RICTOR: variants seen among roughly 807,000 people sequenced by gnomAD.
The protein encoded by RICTOR is RPTOR independent companion of MTOR complex 2, also known as rapamycin-insensitive companion of mTOR.
A neutral mutation model predicts 214.9 loss-of-function variants in RICTOR; 49 were observed. The observed-to-expected ratio is 0.23, with a 90% CI of 0.18 to 0.29. The LOEUF is 0.29. Among genes scored for constraint, RICTOR ranks in the 10% least tolerant of loss-of-function variants. The probability of loss-of-function intolerance (pLI) is 1.00; values close to 1 mark genes in which losing one functional copy is unlikely to be tolerated. For synonymous variants in RICTOR, 717 were observed against 711.3 expected (o/e 1.01, Z -0.13); for missense variants, 1,625 against 2,047.0 (o/e 0.79, Z 3.98).
intron 2 of RICTOR, among the ~76,000 whole-genome samples, chr5:39,073,017 T>C (rs1759428937): frequency 1.3e-5 from 2 of 152,368 alleles, no homozygotes; most frequent in Non-Finnish European, 1.5e-5. Flanking sequence ...ATGCTTTCAC[T>C]CTAGCCGTTG....
chr5:38,978,427 A>G (rs1751415829), intron 9 of RICTOR, among the ~76,000 whole-genome samples, 156 bp downstream of exon 9: 1 of 152,174 alleles, frequency 6.6e-6, no homozygotes, highest in Admixed American at 6.6e-5. Flanking sequence ...TTTTTAAACC[A>G]CAGTAAATTA....
chr5:39,004,730 G>A (rs1753897066), intron 3 of RICTOR, among the ~76,000 whole-genome samples: 1 of 150,546 alleles, frequency 6.6e-6, no homozygotes, highest in African/African-American at 2.4e-5. Flanking sequence ...GCCTCCTGAA[G>A]TGCTGGGATT....
At chr5:39,053,522 T>C (rs957302575) in intron 2 of RICTOR, among the ~76,000 whole-genome samples, 3 of 152,170 alleles carry the variant, frequency 2.0e-5, no homozygotes, top group Non-Finnish European at 2.9e-5. Context: ...TTAAAAAATA[T>C]TTAGGATCTA....
At chr5:38,950,803 A>AT (rs1363499262) in intron 30 of RICTOR, 83 bp from the exon 31 acceptor site, 303 of 1,246,946 alleles carry the variant, frequency 2.4e-4, no homozygotes, top group Middle Eastern at 6.3e-4. Flanking sequence ...ATTTCAGGAA[A>AT]TTTTTTTTTA....
intron 3 of RICTOR, among the ~76,000 whole-genome samples, chr5:39,010,851 C>G (rs753213196): frequency 2.0e-5 from 3 of 152,084 alleles, no homozygotes; most frequent in Non-Finnish European, 4.4e-5. Context: ...CACAAAGATA[C>G]AATCTGGAAT....
chr5:39,036,504 T>G (rs530289956), intron 2 of RICTOR, among the ~76,000 whole-genome samples: 1 of 152,174 alleles, frequency 6.6e-6, no homozygotes, highest in Non-Finnish European at 1.5e-5. Context: ...ATGCTCCAAT[T>G]AAAAGACACA....
chr5:39,028,252 G>A (rs1200487641), intron 2 of RICTOR, among the ~76,000 whole-genome samples: 23 of 131,950 alleles, frequency 1.7e-4, no homozygotes, highest in African/African-American at 6.8e-4. Flanking sequence ...GCGGGATCTC[G>A]GCTCACTGCA....
At chr5:38,968,150 C>A (rs1750388774) in intron 11 of RICTOR, 120 bp from the exon 12 acceptor site, 4 of 636,790 alleles carry the variant, frequency 6.3e-6, no homozygotes, top group Non-Finnish European at 1.2e-5. Context: ...TGACATGTCA[C>A]ATAACAATAT....
Position 38,950,235 on chromosome 5 carries a change from C to T in RICTOR, c.3613G>A (p.Val1205Ile). The T allele has an allele frequency of 6.2e-7, 1 of 1,613,552 alleles. No individual in the cohort carries two copies. Among genetic ancestry groups the T allele is most frequent in the South Asian group, 1.1e-5 (1 of 91,062 alleles). Residue 1205 changes from valine to isoleucine, a missense_variant, in exon 31 of 38, where the codon GTA (valine) becomes ATA (isoleucine). Physicochemically the swap from Val to Ile is conservative, Grantham distance 29. Transcript: ENST00000357387. ...ATATGTGAGCTCGTTGAACTTTCTA[C>T]TACTAACCTCTCTCGGCTTGTATTT... The part of the protein sequence containing the change: ...RENTSRERLV[V>I]ESSTSSHMKI...
At chr5:38,991,412 G>A (rs1378845225) in intron 6 of RICTOR, among the ~76,000 whole-genome samples, 1 of 151,898 alleles carries the variant, frequency 6.6e-6, no homozygotes, top group African/African-American at 2.4e-5. Context: ...AAACCAGAGG[G>A]GACAATAGTA....
chr5:39,003,653 A>T (rs752821360), intron 3 of RICTOR, 31 bp from the exon 4 acceptor site: 7 of 1,421,746 alleles, frequency 4.9e-6, no homozygotes. Context: ...GTGTGCATTT[A>T]TGTGTTGTAT....
chr5:39,061,994 C>A (rs1358749772), intron 2 of RICTOR, among the ~76,000 whole-genome samples: 1 of 151,862 alleles, frequency 6.6e-6, no homozygotes, highest in Non-Finnish European at 1.5e-5. Context: ...CTATTCCAAT[C>A]TAAAATTTAA....
chr5:38,975,170 T>C (rs1428776037), intron 10 of RICTOR, among the ~76,000 whole-genome samples: 1 of 152,222 alleles, frequency 6.6e-6, no homozygotes, highest in Non-Finnish European at 1.5e-5. Context: ...TTTGTATCTA[T>C]GACACTACAC....
intron 2 of RICTOR, among the ~76,000 whole-genome samples, chr5:39,035,593 C>T (rs557640168): frequency 1.5e-4 from 23 of 152,210 alleles, no homozygotes; most frequent in Admixed American, 6.5e-4. Context: ...AGACGAATGG[C>T]TAACTAGAAT....
rs1241553090 is a variant in RICTOR, at chr5:38,989,641, T to G, written c.583+1308A>C. 2.0e-5 allele frequency among the ~76,000 whole-genome samples: 3 copies of G among 152,190 alleles called. No individual in the cohort carries two copies. The East Asian group carries it at 5.8e-4, about 29-fold the overall frequency. On this transcript the variant is annotated intron_variant, in intron 7 of 37. Transcript: ENST00000357387. ...CTAATATCCAGAATCTACAAGGAAC[T>G]TAAACAAATTTACAAGAAAAAAACA...
In RICTOR at chr5:38,959,821, G is replaced by A. The variant is rs371271117; in HGVS notation, c.2009C>T (p.Pro670Leu). 1 of 1,613,506 alleles carries A rather than the reference G, an allele frequency of 6.2e-7. No individual in the cohort carries two copies. The highest frequency in any genetic ancestry group is 1.3e-5 in the African/African-American group (1 of 74,998). ...TTTTTCCAGCATTTTAACTCCATGAGGGTGGCAAGAAAGTGTTCCAATAAA... is the reference window on the plus strand; with the variant it reads ...TTTTTCCAGCATTTTAACTCCATGAAGGTGGCAAGAAAGTGTTCCAATAAA... ...FLFIGTLSCH[P>L]HGVKMLEKCS... Residue 670 changes from proline to leucine, a missense_variant, in exon 21 of 38, where the codon CCT becomes CTT. By Grantham distance (98) the Pro-to-Leu change is moderately conservative. Coordinates refer to ENST00000357387, the MANE Select transcript of RICTOR (RefSeq NM_152756.5).
intron 6 of RICTOR, among the ~76,000 whole-genome samples, chr5:38,996,290 T>C (rs142803698): frequency 6.6e-6 from 1 of 152,310 alleles, no homozygotes; most frequent in Admixed American, 6.5e-5. Flanking sequence ...TGAAGGCCTC[T>C]CAAGAGAAGC....
intron 7 of RICTOR, among the ~76,000 whole-genome samples, chr5:38,982,757 A>G (rs1298884087): frequency 6.7e-6 from 1 of 149,168 alleles, no homozygotes; most frequent in African/African-American, 2.5e-5. Flanking sequence ...TAACAGTTTA[A>G]AATTATACAT....
chr5:38,990,552 T>C (rs1376700282), intron 7 of RICTOR, among the ~76,000 whole-genome samples: 2 of 145,016 alleles, frequency 1.4e-5, no homozygotes, highest in African/African-American at 2.7e-5. Context: ...ATACACGATA[T>C]ACACGATATA....
Sources: allele counts gnomAD v4.1 joint callset (sites outside exome capture counted in the v4.1 genomes callset), GRCh38; gene constraint gnomAD v4.1.1; transcripts MANE v1.5; gene names NCBI Gene and HGNC (gene_info 2026-07-23, HGNC 2026-07-21).